C2orf74: variants seen among roughly 807,000 people sequenced by gnomAD.
C2orf74 encodes the protein DPM1 ER membrane anchor 1.
C2orf74 carries 14 observed loss-of-function variants against 17.9 expected under a neutral mutation model. The observed-to-expected ratio is 0.78, with a 90% CI of 0.52 to 1.22. C2orf74 has a LOEUF of 1.22. Among genes scored for constraint, C2orf74 ranks in the 50% most tolerant of loss-of-function variants. The pLI is 0.00. For missense variants in C2orf74, 217 were observed against 218.4 expected (o/e 0.99, Z 0.04); for synonymous variants, 79 against 72.6 (o/e 1.09, Z -0.44).
intron 1 of C2orf74, among the ~76,000 whole-genome samples, chr2:61,154,234 CAA>C (rs34669899): frequency 0.16 from 21,445 of 131,608 alleles, 1,787 homozygotes; most frequent in South Asian, 0.37. Context: ...AATTCTGTCT[CAA>C]AAAAAAAAAA....
intron 2 of C2orf74, 32 bp from the exon 3 acceptor site, chr2:61,162,810 C>G: frequency 6.6e-7 from 1 of 1,525,650 alleles, no homozygotes; most frequent in Non-Finnish European, 8.9e-7. Flanking sequence ...GCCATTCTTC[C>G]TTTTCTGAAT....
chr2:61,161,688 C>A (rs945587735), upstream of C2orf74: 1 of 152,158 alleles, frequency 6.6e-6, no homozygotes, highest in South Asian at 2.1e-4. Context: ...TGGTCTATAG[C>A]TTTCTTTTTT....
At chr2:61,162,665 T>A in intron 2 of C2orf74, 56 bp downstream of exon 2, 1 of 1,128,164 alleles carries the variant, frequency 8.9e-7, no homozygotes, top group Non-Finnish European at 1.3e-6. Context: ...AGCAAATGTG[T>A]ATAGAAATAA....
At chr2:61,155,017 A>G (rs1685352448) in intron 1 of C2orf74, among the ~76,000 whole-genome samples, 1 of 152,158 alleles carries the variant, frequency 6.6e-6, no homozygotes, top group Non-Finnish European at 1.5e-5. Flanking sequence ...GTGAGCTGAG[A>G]TCACACCACT....
rs540333118 is a variant in C2orf74 at position 61,162,294 on chromosome 2, C to G, written c.-126C>G. 5.3e-6 allele frequency: 3 copies of G among 568,146 alleles called. No homozygotes were observed. 35.2% of individuals were successfully genotyped at this position (568,146 alleles called of 1,614,324 possible). ...CCCCTCTGGCCACCTCAGCCCCCACCACAGTTATGGAGAGAAATTAGCCAG... is the reference window on the plus strand; with the variant it reads ...CCCCTCTGGCCACCTCAGCCCCCACGACAGTTATGGAGAGAAATTAGCCAG... On this transcript the variant is annotated 5_prime_UTR_variant, in exon 1 of 5. Transcript: ENST00000432605.
At chr2:61,158,221 T>C (rs1000240948), upstream of C2orf74, among the ~76,000 whole-genome samples, 5 of 152,194 alleles carry the variant, frequency 3.3e-5, no homozygotes, top group Non-Finnish European at 7.3e-5. Flanking sequence ...TGAGAGTTAC[T>C]ATCAGGCATT....
chr2:61,151,788 G>A (rs1685235593), intron 1 of C2orf74: 1 of 152,168 alleles, frequency 6.6e-6, no homozygotes, highest in South Asian at 2.1e-4. Context: ...CCTCACTTTT[G>A]CTTCATTTTA....
rs118022925 is a variant in C2orf74, at chr2:61,146,981, C to T, written c.-122+1785C>T. ...ACCTGGGCAGCATGGTGAAAACCCA[C>T]ATCTACAAAAAGAACATCAACAACA... On this transcript the variant is annotated intron_variant, in intron 1 of 3. Transcript: ENST00000426997. 2.6e-4 allele frequency among the ~76,000 whole-genome samples: 40 copies of T among 152,204 alleles called. 1 individual carries two copies. In the East Asian group the frequency reaches 6.8e-3, roughly 26 times the overall value.
chr2:61,157,975 C>A, upstream of C2orf74: 1 of 471,184 alleles, frequency 2.1e-6, no homozygotes, highest in Non-Finnish European at 4.4e-6. Context: ...GAGTGGACAC[C>A]CTCTGGCCAC....
chr2:61,160,047 AG>A (rs1685515147), upstream of C2orf74, among the ~76,000 whole-genome samples: 1 of 152,214 alleles, frequency 6.6e-6, no homozygotes. Flanking sequence ...TGACTATTTC[AG>A]GTACCTCATA....
chr2:61,160,022 C>T (rs1685514519), upstream of C2orf74, among the ~76,000 whole-genome samples: 1 of 152,220 alleles, frequency 6.6e-6, no homozygotes, highest in Non-Finnish European at 1.5e-5. Flanking sequence ...ATTCTGCTTT[C>T]TGTGTCTATG....
Position 61,164,613 on chromosome 2 carries a change from A to G in C2orf74, c.*86A>G. The G allele has an allele frequency of 9.3e-7, 1 of 1,080,940 alleles. No individual in the cohort carries two copies. The highest frequency in any genetic ancestry group is 1.2e-6 in the Non-Finnish European group (1 of 805,012). The allele number at this position is 1,080,940 out of a possible 1,614,324, so 67.0% of individuals were successfully genotyped here. A position where few individuals can be genotyped will look rare whatever the true frequency, so the allele number is the denominator to read the frequency against. ...GGGTACAAAATCATGTTGAAACAAC[A>G]AAACAATGGGGAATTAAGCAAATAA... On this transcript the variant is annotated 3_prime_UTR_variant, in exon 5 of 5. Coordinates refer to ENST00000432605, the MANE Select transcript of C2orf74 (RefSeq NM_001143959.4).
chr2:61,148,758 C>A (rs960534262), intron 1 of C2orf74, among the ~76,000 whole-genome samples: 1 of 151,978 alleles, frequency 6.6e-6, no homozygotes, highest in African/African-American at 2.4e-5. Flanking sequence ...GCCTTGTCAC[C>A]CAGGCTGGAG....
chr2:61,161,069 CT>C (rs1010097054), upstream of C2orf74, among the ~76,000 whole-genome samples: 5 of 152,116 alleles, frequency 3.3e-5, no homozygotes, highest in East Asian at 5.8e-4. Flanking sequence ...CTCACCAATA[CT>C]TTTTTTTCTT....
At chr2:61,157,391 TG>T (rs1685423846), upstream of C2orf74, among the ~76,000 whole-genome samples, 1 of 152,146 alleles carries the variant, frequency 6.6e-6, no homozygotes, top group Non-Finnish European at 1.5e-5. Flanking sequence ...AAATGGCAGA[TG>T]GGTGCTATGC....
intron 1 of C2orf74, among the ~76,000 whole-genome samples, chr2:61,153,920 A>G (rs1336939699): frequency 6.9e-6 from 1 of 145,952 alleles, no homozygotes; most frequent in Non-Finnish European, 1.5e-5. Context: ...AAAAAAGAAA[A>G]TATGTCTTCC....
Position 61,162,460 on chromosome 2 carries a change from AG to A in C2orf74, c.-54del, listed in dbSNP as rs752736389. 5.6e-5 allele frequency: 73 copies of A among 1,295,596 alleles called. 1 individual carries two copies. In the East Asian group the frequency reaches 1.0e-3, roughly 18 times the overall value. 80.3% of individuals were successfully genotyped at this position (1,295,596 alleles called of 1,614,324 possible). A position where few individuals can be genotyped will look rare whatever the true frequency, so the allele number is the denominator to read the frequency against. ...AACTGCATTCAAATTGAGCTGGAAA[AG>A]AATATTTGGACAGTCTGTGATTGTG... On this transcript the variant is annotated 5_prime_UTR_variant, in exon 2 of 5. Coordinates refer to ENST00000432605, the MANE Select transcript of C2orf74 (RefSeq NM_001143959.4).
intron 1 of C2orf74, among the ~76,000 whole-genome samples, chr2:61,150,760 T>C (rs1175334132): frequency 6.6e-6 from 1 of 152,144 alleles, no homozygotes; most frequent in African/African-American, 2.4e-5. Context: ...TCATCACTTT[T>C]GTTGGAGTTT....
At chr2:61,145,972 C>T (rs1685057991) in intron 1 of C2orf74, among the ~76,000 whole-genome samples, 1 of 152,182 alleles carries the variant, frequency 6.6e-6, no homozygotes, top group Non-Finnish European at 1.5e-5. Context: ...CAGAATGCAG[C>T]AATCCTTAGT....
Sources: allele counts gnomAD v4.1 joint callset (sites outside exome capture counted in the v4.1 genomes callset), GRCh38; gene constraint gnomAD v4.1.1; transcripts MANE v1.5; gene names NCBI Gene and HGNC (gene_info 2026-07-23, HGNC 2026-07-21).